LAMA2: variants seen among roughly 807,000 people sequenced by gnomAD.
LAMA2 encodes laminin subunit alpha 2, also known as laminin subunit alpha-2.
LAMA2 carries 269 observed loss-of-function variants against 364.8 expected under a neutral mutation model. The observed-to-expected ratio is 0.74, with a 90% CI of 0.67 to 0.82. The LOEUF is 0.82. LAMA2 is among the 40% of genes least tolerant of loss of function. The pLI is 0.00. For synonymous variants in LAMA2, 1,379 were observed against 1,370.6 expected, an observed-to-expected ratio of 1.01 and a Z score of -0.14; for missense variants, 3,807 against 3,873.2, an observed-to-expected ratio of 0.98 and a Z score of 0.45.
chr6:129,137,373 C>A (rs1777857447), intron 4 of LAMA2, among the ~76,000 whole-genome samples: 1 of 151,924 alleles, frequency 6.6e-6, no homozygotes, highest in Non-Finnish European at 1.5e-5. Context: ...CCTGAAGGGA[C>A]AAATCCATTT....
At chr6:129,361,544 G>A (rs1201984161) in intron 32 of LAMA2, among the ~76,000 whole-genome samples, 2 of 152,168 alleles carry the variant, frequency 1.3e-5, no homozygotes, top group Non-Finnish European at 2.9e-5. Context: ...GCCCAAATTG[G>A]GGCCTCAACT....
At chr6:129,318,370 G>A (rs1038593141) in intron 27 of LAMA2, among the ~76,000 whole-genome samples, 1 of 151,838 alleles carries the variant, frequency 6.6e-6, no homozygotes, top group Non-Finnish European at 1.5e-5. Context: ...CTGGAGTTTG[G>A]CCAAATCCCT....
chr6:129,342,221 G>A lies in LAMA2; in HGVS notation c.4312-122G>A, dbSNP rs1266128602. On this transcript the variant is annotated intron_variant, in intron 29 of 64. Transcript: ENST00000421865. ...TCAGTGATAAAGTGTGTGTGTGAGT[G>A]TGTGTGTGTAAGAAAGTATATGTGT... 3.9e-6 allele frequency: 3 copies of A among 765,748 alleles called. No individual in the cohort carries two copies. In the East Asian group the frequency reaches 8.0e-5, roughly 21 times the overall value. The allele number at this position is 765,748 out of a possible 1,614,324, so 47.4% of individuals were successfully genotyped here.
At chr6:129,089,835 G>A (rs923308078) in intron 3 of LAMA2, among the ~76,000 whole-genome samples, 1 of 152,140 alleles carries the variant, frequency 6.6e-6, no homozygotes, top group African/African-American at 2.4e-5. Flanking sequence ...TTTGGACTCT[G>A]CTCACTCGTG....
intron 18 of LAMA2, among the ~76,000 whole-genome samples, chr6:129,283,334 C>T (rs1788865940): frequency 6.6e-6 from 1 of 152,042 alleles, no homozygotes; most frequent in Non-Finnish European, 1.5e-5. Flanking sequence ...GAGTCAAATG[C>T]TGAGGATACC....
intron 12 of LAMA2, among the ~76,000 whole-genome samples, chr6:129,245,067 C>T (rs1785656410): frequency 6.6e-6 from 1 of 152,094 alleles, no homozygotes. Context: ...GAACCATCTC[C>T]AGGAATGGAG....
At chr6:129,083,561 A>G (rs1363156724) in intron 3 of LAMA2, among the ~76,000 whole-genome samples, 2 of 152,224 alleles carry the variant, frequency 1.3e-5, no homozygotes, top group Non-Finnish European at 2.9e-5. Flanking sequence ...AACAACACCA[A>G]ATCAAATGAC....
At chr6:129,172,363 T>C (rs1443540930) in intron 9 of LAMA2, among the ~76,000 whole-genome samples, 1 of 152,232 alleles carries the variant, frequency 6.6e-6, no homozygotes, top group Non-Finnish European at 1.5e-5. Context: ...CGTGTGGATG[T>C]CCTTTCTGTT....
intron 8 of LAMA2, among the ~76,000 whole-genome samples, chr6:129,160,817 A>G (rs148218614): frequency 1.0e-3 from 156 of 151,770 alleles, no homozygotes; most frequent in African/African-American, 3.7e-3. Flanking sequence ...TTTTTTGTTA[A>G]TTTCCAAATA....
At chr6:129,324,733 T>A (rs1382442644) in intron 28 of LAMA2, among the ~76,000 whole-genome samples, 1 of 152,242 alleles carries the variant, frequency 6.6e-6, no homozygotes, top group Non-Finnish European at 1.5e-5. Context: ...AACATAATGG[T>A]AAGTATTTGC....
intron 4 of LAMA2, among the ~76,000 whole-genome samples, chr6:129,102,130 C>CTT (rs10713380): frequency 1.6e-4 from 21 of 130,358 alleles, no homozygotes; most frequent in Non-Finnish European, 2.2e-4. Flanking sequence ...TTCTTTCTTT[C>CTT]TTTTTTTTTT....
chr6:129,216,391 G>A (rs1426999742), intron 12 of LAMA2, among the ~76,000 whole-genome samples: 1 of 152,134 alleles, frequency 6.6e-6, no homozygotes, highest in Admixed American at 6.5e-5. Flanking sequence ...TTTGGAATGA[G>A]GATGGAGACA....
intron 12 of LAMA2, among the ~76,000 whole-genome samples, chr6:129,227,134 G>A (rs1174707806): frequency 1.3e-5 from 2 of 152,122 alleles, no homozygotes; most frequent in Non-Finnish European, 2.9e-5. Flanking sequence ...AGCTCCTGAG[G>A]CTTGTGCATT....
rs528304730 is a variant in LAMA2, at chr6:129,469,730, T to C, written c.7301-3484T>C. Among the ~76,000 whole-genome samples, 5 of 151,914 alleles carry C rather than the reference T, an allele frequency of 3.3e-5. No individual in the cohort carries two copies. In the South Asian group the frequency reaches 1.0e-3, roughly 32 times the overall value. ...CAGGTAAATAGATATACATAAATTG[T>C]GGTATACTCATACAATGGAATACTA... is the stretch of plus-strand genomic sequence containing the variant. On this transcript the variant is annotated intron_variant, in intron 51 of 64. Transcript: ENST00000421865.
chr6:129,063,440 T>C (rs1434525476), intron 3 of LAMA2, among the ~76,000 whole-genome samples: 1 of 152,166 alleles, frequency 6.6e-6, no homozygotes, highest in Non-Finnish European at 1.5e-5. Context: ...TCTTTTAAAA[T>C]CTAGCCATTA....
intron 1 of LAMA2, among the ~76,000 whole-genome samples, chr6:128,953,363 CT>C (rs1780952958): frequency 6.6e-6 from 1 of 152,052 alleles, no homozygotes; most frequent in Non-Finnish European, 1.5e-5. Flanking sequence ...AAAAAATTAG[CT>C]TTACAGATAG....
At chr6:128,914,267 G>A (rs947227722) in intron 1 of LAMA2, among the ~76,000 whole-genome samples, 7 of 152,130 alleles carry the variant, frequency 4.6e-5, no homozygotes, top group African/African-American at 1.7e-4. Context: ...CAAACCAATG[G>A]TTTGTGCTCA....
chr6:129,516,448 G>T lies in LAMA2; in HGVS notation c.*101G>T. On this transcript the variant is annotated 3_prime_UTR_variant, in exon 65 of 65. Coordinates refer to ENST00000421865, the MANE Select transcript of LAMA2 (RefSeq NM_000426.4). ...ATATATGTTAATTAAACTAATTTGT[G>T]CATGTACATAGAATTCTTTCTGTAT... 1 of 1,188,938 alleles carries T rather than the reference G, an allele frequency of 8.4e-7. No individual in the cohort carries two copies. The allele number at this position is 1,188,938 out of a possible 1,614,324, so 73.6% of individuals were successfully genotyped here. A position where few individuals can be genotyped will look rare whatever the true frequency, so the allele number is the denominator to read the frequency against.
chr6:129,088,542 C>CCCGGACGGGGCGG (rs1469775752), intron 3 of LAMA2, among the ~76,000 whole-genome samples: 12 of 151,174 alleles, frequency 7.9e-5, no homozygotes, highest in African/African-American at 2.4e-4. Flanking sequence ...CTACCTCCCT[C>CCCGGACGGGGCGG]CTGGACGGGG....
Sources: allele counts gnomAD v4.1 joint callset (sites outside exome capture counted in the v4.1 genomes callset), GRCh38; gene constraint gnomAD v4.1.1; transcripts MANE v1.5; gene names NCBI Gene and HGNC (gene_info 2026-07-23, HGNC 2026-07-21).